Variants in AGBL3 observed in about 807,000 individuals in gnomAD.
AGBL3 encodes AGBL carboxypeptidase 3.
Under a neutral mutation model 94.5 loss-of-function variants are expected in AGBL3, and 68 were observed. That is an observed-to-expected ratio of 0.72 (90% CI 0.59 to 0.88). AGBL3 has a LOEUF of 0.88. Ranked by LOEUF, AGBL3 falls within the 40% of genes least tolerant of loss-of-function variation. The pLI is 0.00. For synonymous variants in AGBL3, 354 were observed against 370.7 expected (o/e 0.95, Z 0.52); for missense variants, 934 against 1,103.8 (o/e 0.85, Z 2.18).
intron 12 of AGBL3, among the ~76,000 whole-genome samples, chr7:135,071,431 C>G (rs911068701): frequency 2.0e-5 from 3 of 151,940 alleles, no homozygotes; most frequent in South Asian, 2.1e-4. Flanking sequence ...CATATGGAAC[C>G]AAAAAAGAGC....
intron 3 of AGBL3, among the ~76,000 whole-genome samples, chr7:134,991,206 G>GGGC (rs992146759): frequency 8.9e-6 from 1 of 112,252 alleles, no homozygotes; most frequent in African/African-American, 3.3e-5. Context: ...GTGGGTGGGG[G>GGGC]GGGGGTTGGT....
At chr7:135,127,661 A>G (rs1278866911) in intron 16 of AGBL3, among the ~76,000 whole-genome samples, 1 of 152,222 alleles carries the variant, frequency 6.6e-6, no homozygotes. Flanking sequence ...AATTACTAAT[A>G]AGTCAAGAAA....
intron 11 of AGBL3, 46 bp downstream of exon 11, chr7:135,045,957 C>A: frequency 8.2e-7 from 1 of 1,226,546 alleles, no homozygotes; most frequent in Non-Finnish European, 1.2e-6. Flanking sequence ...TGCTGTTTTA[C>A]TATGTTCTTT....
intron 4 of AGBL3, among the ~76,000 whole-genome samples, chr7:135,016,279 C>T (rs1014500329): frequency 2.6e-5 from 4 of 151,964 alleles, no homozygotes; most frequent in Non-Finnish European, 4.4e-5. Flanking sequence ...TACAGTGATA[C>T]ACATTTGCAT....
chr7:135,081,018 G>C (rs1820883162), intron 14 of AGBL3, among the ~76,000 whole-genome samples: 1 of 151,532 alleles, frequency 6.6e-6, no homozygotes, highest in South Asian at 2.1e-4. Flanking sequence ...GTGGAGATAA[G>C]AACCTAAGAA....
At chr7:135,072,931 A>T (rs974140903) in intron 12 of AGBL3, among the ~76,000 whole-genome samples, 2 of 152,046 alleles carry the variant, frequency 1.3e-5, no homozygotes, top group African/African-American at 4.8e-5. Flanking sequence ...AAAAATAAAA[A>T]TAAAATTAAA....
intron 15 of AGBL3, chr7:135,094,365 T>G: frequency 2.2e-6 from 1 of 456,702 alleles, no homozygotes; most frequent in East Asian, 6.9e-5. Context: ...GAGTCACTGC[T>G]GAGATCTGCT....
intron 16 of AGBL3, among the ~76,000 whole-genome samples, chr7:135,127,887 G>T (rs1202676117): frequency 6.6e-6 from 1 of 152,144 alleles, no homozygotes; most frequent in Admixed American, 6.5e-5. Flanking sequence ...TATGTTTATT[G>T]CAGCACTGTT....
chr7:135,127,562 A>C (rs1359720357), intron 16 of AGBL3, among the ~76,000 whole-genome samples: 1 of 152,142 alleles, frequency 6.6e-6, no homozygotes, highest in Non-Finnish European at 1.5e-5. Flanking sequence ...AAAAAAAAAA[A>C]AAAACTCAAC....
intron 5 of AGBL3, among the ~76,000 whole-genome samples, chr7:135,027,370 T>G (rs1815262306): frequency 6.6e-6 from 1 of 151,612 alleles, no homozygotes; most frequent in East Asian, 2.0e-4. Flanking sequence ...ATTAATATTA[T>G]ACCTTTTTTT....
intron 3 of AGBL3, among the ~76,000 whole-genome samples, chr7:134,992,444 G>A (rs1810414088): frequency 1.3e-5 from 2 of 152,090 alleles, no homozygotes; most frequent in Non-Finnish European, 2.9e-5. Flanking sequence ...TAGCATTTAT[G>A]ATCACTGAAA....
intron 12 of AGBL3, among the ~76,000 whole-genome samples, chr7:135,064,533 A>G (rs183830756): frequency 6.6e-6 from 1 of 152,224 alleles, no homozygotes; most frequent in Admixed American, 6.5e-5. Context: ...AGGCAAGATA[A>G]AAGTGGTGGC....
At chr7:135,043,826 G>T (rs1316682830) in intron 8 of AGBL3, among the ~76,000 whole-genome samples, 199 bp from the exon 9 acceptor site, 1 of 151,928 alleles carries the variant, frequency 6.6e-6, no homozygotes, top group Non-Finnish European at 1.5e-5. Context: ...GCAGGAATTA[G>T]AATCTATAGT....
At chr7:135,031,767 C>T (rs1182158455) in intron 5 of AGBL3, among the ~76,000 whole-genome samples, 4 of 152,076 alleles carry the variant, frequency 2.6e-5, no homozygotes, top group Admixed American at 2.6e-4. Flanking sequence ...AGTTGAAAGC[C>T]TAAGGTATTC....
At position 135,051,565 on chromosome 7, in the gene AGBL3, T is replaced by C. The variant is rs1238724253; in HGVS notation, c.1841+5654T>C. Among the ~76,000 whole-genome samples the C allele has an allele frequency of 3.9e-5, 6 of 152,218 alleles. No individual in the cohort carries two copies. In the South Asian group the frequency reaches 8.3e-4, roughly 21 times the overall value. On this transcript the variant is annotated intron_variant, in intron 11 of 16. Transcript: ENST00000436302. ...AGTAAAAAGGGATATTTAGATAACA[T>C]AGCCTAGATGATAGTTATTATTGCG...
intron 2 of AGBL3, among the ~76,000 whole-genome samples, chr7:134,988,674 G>A (rs1024453892): frequency 6.7e-5 from 10 of 149,296 alleles, no homozygotes; most frequent in African/African-American, 2.5e-4. Flanking sequence ...GATCGCTCTT[G>A]TTGCTCAAGC....
intron 9 of AGBL3, 81 bp from the exon 10 acceptor site, chr7:135,045,393 G>C: frequency 9.0e-7 from 1 of 1,109,818 alleles, no homozygotes; most frequent in Non-Finnish European, 1.3e-6. Context: ...TCAATGTTTT[G>C]TTTATAGTGT....
chr7:135,037,010 C>T (rs1325933607), intron 7 of AGBL3, among the ~76,000 whole-genome samples: 5 of 152,142 alleles, frequency 3.3e-5, no homozygotes, highest in African/African-American at 1.2e-4. Flanking sequence ...ACCTCTGCCT[C>T]CTGGGTTCAA....
chr7:135,129,036 G>A (rs1828351244), intron 16 of AGBL3: 8 of 1,608,692 alleles, frequency 5.0e-6, no homozygotes, highest in Non-Finnish European at 6.8e-6. Context: ...CCAGATCAGA[G>A]ATGGCCAGGT....
Sources: allele counts gnomAD v4.1 joint callset (sites outside exome capture counted in the v4.1 genomes callset), GRCh38; gene constraint gnomAD v4.1.1; transcripts MANE v1.5; gene names NCBI Gene and HGNC (gene_info 2026-07-23, HGNC 2026-07-21).